Variants in MARCHF4 observed in about 807,000 individuals in gnomAD.
MARCHF4 encodes the protein membrane associated ring-CH-type finger 4.
In MARCHF4, 14 loss-of-function variants were observed where a neutral mutation model predicts 43.9. The observed-to-expected ratio is 0.32, with a 90% confidence interval of 0.21 to 0.50. The LOEUF is 0.50. MARCHF4 is among the 20% of genes least tolerant of loss of function. The probability of loss-of-function intolerance (pLI) is 0.98; values close to 1 mark genes in which losing one functional copy is unlikely to be tolerated. For synonymous variants in MARCHF4, 226 were observed against 213.3 expected (o/e 1.06, Z -0.52); for missense variants, 468 against 536.7 (o/e 0.87, Z 1.27).
chr2:216,277,669 C>T lies in MARCHF4; in HGVS notation c.865+3G>A, dbSNP rs1413279320. The T allele has an allele frequency of 4.4e-6, 7 of 1,600,504 alleles. No homozygotes were observed. Among genetic ancestry groups the T allele is most frequent in the Non-Finnish European group, 6.0e-6 (7 of 1,169,602 alleles). ...TCCCATGGAGACAAACCCCCAGACC[C>T]ACCTATGCACACCACGTCCATGAAG... On this transcript the variant is annotated splice_donor_region_variant and intron_variant, in intron 3 of 3. Transcript: ENST00000273067.
intron 1 of MARCHF4, among the ~76,000 whole-genome samples, chr2:216,338,847 A>T (rs536528394): frequency 1.3e-4 from 20 of 152,210 alleles, no homozygotes; most frequent in African/African-American, 4.3e-4. Context: ...AGGTCTTCAA[A>T]CGTATCATCT....
intron 1 of MARCHF4, among the ~76,000 whole-genome samples, chr2:216,303,980 T>A (rs1050428785): frequency 6.6e-6 from 1 of 152,090 alleles, no homozygotes; most frequent in African/African-American, 2.4e-5. Context: ...CAACAGCTAC[T>A]GGAAACCTCC....
Position 216,259,581 on chromosome 2 carries a change from C to A in MARCHF4, c.964G>T (p.Asp322Tyr). Reference sequence around the variant, plus strand: ...CCTCCTGCCTTTTGATCCTCCAGGTCTTTTGTCTTGTCATAGTTCAGCACT... The same window carrying A: ...CCTCCTGCCTTTTGATCCTCCAGGTATTTTGTCTTGTCATAGTTCAGCACT... ...WKVLNYDKTK[D>Y]LEDQKAGGRT... The change falls in exon 4 of 4, where the codon GAC becomes TAC. Residue 322 changes from aspartate (D) to tyrosine (Y), a missense_variant. Asp to Tyr is a radical substitution (Grantham distance 160). Around this residue, in one of 3 missense-constraint regions of MARCHF4, gnomAD observed 120 missense variants for 127.1 expected, o/e 0.94. Transcript: ENST00000273067. 1 of 1,614,170 alleles carries A rather than the reference C, an allele frequency of 6.2e-7. No individual in the cohort carries two copies. Among genetic ancestry groups the A allele is most frequent in the Non-Finnish European group, 8.5e-7 (1 of 1,180,040 alleles).
chr2:216,340,250 G>A (rs1692216507), intron 1 of MARCHF4, among the ~76,000 whole-genome samples: 1 of 152,188 alleles, frequency 6.6e-6, no homozygotes, highest in African/African-American at 2.4e-5. Context: ...GCCAGAATGA[G>A]GGACCTCGGA....
chr2:216,262,540 G>A (rs1166177953), intron 3 of MARCHF4, among the ~76,000 whole-genome samples: 2 of 152,242 alleles, frequency 1.3e-5, no homozygotes, highest in Non-Finnish European at 2.9e-5. Context: ...GAGGTTAGAG[G>A]ATTATTGGAG....
intron 1 of MARCHF4, among the ~76,000 whole-genome samples, chr2:216,354,860 C>T (rs1463953914): frequency 2.0e-5 from 3 of 151,966 alleles, no homozygotes; most frequent in Non-Finnish European, 4.4e-5. Context: ...CAGTTAATTC[C>T]TGCCTGTTCA....
At chr2:216,273,039 G>A (rs979491968) in intron 3 of MARCHF4, among the ~76,000 whole-genome samples, 5 of 152,192 alleles carry the variant, frequency 3.3e-5, no homozygotes, top group Admixed American at 6.5e-5. Flanking sequence ...CTGTGGATGG[G>A]GTTGAAGCAG....
At chr2:216,303,804 A>G (rs1407196389) in intron 1 of MARCHF4, 1 of 152,170 alleles carries the variant, frequency 6.6e-6, no homozygotes, top group Non-Finnish European at 1.5e-5. Flanking sequence ...TTTTATATTT[A>G]AAGATTTTAT....
At chr2:216,294,934 T>C (rs139928415) in intron 1 of MARCHF4, among the ~76,000 whole-genome samples, 1 of 152,332 alleles carries the variant, frequency 6.6e-6, no homozygotes, top group East Asian at 1.9e-4. Flanking sequence ...GTGAGGGATG[T>C]TGTGCAAGGT....
At chr2:216,354,911 CTTTCTTT>C (rs1692463932) in intron 1 of MARCHF4, among the ~76,000 whole-genome samples, 1 of 82,740 alleles carries the variant, frequency 1.2e-5, no homozygotes, top group Non-Finnish European at 2.4e-5. Context: ...TTCTTTCTTT[CTTTCTTT>C]CTTTCTTTCT....
At chr2:216,283,544 G>C (rs768587900) in intron 2 of MARCHF4, 30 bp downstream of exon 2, 30 of 1,562,690 alleles carry the variant, frequency 1.9e-5, no homozygotes, top group Middle Eastern at 1.7e-4. Context: ...CCCAGGCCCA[G>C]CAACCCCACC....
intron 1 of MARCHF4, among the ~76,000 whole-genome samples, chr2:216,348,264 T>C (rs973374112): frequency 3.3e-5 from 5 of 152,160 alleles, no homozygotes; most frequent in Non-Finnish European, 7.4e-5. Context: ...CTCAAACTCC[T>C]GACATCAGGT....
At chr2:216,292,935 C>T (rs1162895725) in intron 1 of MARCHF4, among the ~76,000 whole-genome samples, 1 of 152,130 alleles carries the variant, frequency 6.6e-6, no homozygotes, top group Admixed American at 6.5e-5. Context: ...TTCTTTCCAA[C>T]AAAGATTGTG....
chr2:216,261,928 A>G (rs1690748641), intron 3 of MARCHF4, among the ~76,000 whole-genome samples: 1 of 152,218 alleles, frequency 6.6e-6, no homozygotes, highest in African/African-American at 2.4e-5. Flanking sequence ...AGCCTAGGGA[A>G]GGATTCAGAA....
rs897500665 is a variant in MARCHF4 at position 216,370,191 on chromosome 2, A to G, written c.70T>C (p.Leu24=). 1.3e-5 allele frequency: 21 copies of G among 1,612,906 alleles called. No homozygotes were observed. Among genetic ancestry groups the G allele is most frequent in the Non-Finnish European group, 1.7e-5 (20 of 1,179,760 alleles). The change falls in exon 1 of 4, where the codon TTG becomes CTG. Residue 24 remains leucine (L), a synonymous_variant. Transcript: ENST00000273067. ...CCCSGWYCYG[L]CAPAPQMLRH... ...AACATCTGGGGGGCTGGGGCACACA[A>G]TCCATAGCAGTACCAGCCGGAGCAG... is the stretch of plus-strand genomic sequence containing the variant.
intron 1 of MARCHF4, among the ~76,000 whole-genome samples, chr2:216,302,893 G>A (rs1267282908): frequency 9.8e-6 from 1 of 101,674 alleles, no homozygotes; most frequent in Non-Finnish European, 1.7e-5. Flanking sequence ...GTGAGACTCT[G>A]TATCAAAAAA....
In MARCHF4 at chr2:216,369,725, GA is replaced by G. The variant is rs760192751; in HGVS notation, c.516+19del. ...CCTGAAAATACCACAGGAAGCAGGA[GA>G]AGAGAAAAGGGGACTCACCTGTTCT... On this transcript the variant is annotated intron_variant, in intron 1 of 3. Transcript: ENST00000273067. 20 of 1,536,924 alleles carry G rather than the reference GA, an allele frequency of 1.3e-5. No homozygotes were observed. In the African/African-American group the frequency reaches 2.8e-4, roughly 21 times the overall value.
At chr2:216,324,529 C>G (rs973915820) in intron 1 of MARCHF4, among the ~76,000 whole-genome samples, 19 of 151,904 alleles carry the variant, frequency 1.3e-4, no homozygotes, top group Non-Finnish European at 1.9e-4. Flanking sequence ...GAATTTTAGA[C>G]CAATATCCTT....
At chr2:216,295,130 C>T (rs1439249834) in intron 1 of MARCHF4, among the ~76,000 whole-genome samples, 1 of 152,204 alleles carries the variant, frequency 6.6e-6, no homozygotes, top group Non-Finnish European at 1.5e-5. Flanking sequence ...CAGACCGAGG[C>T]TGGCTGGGTT....
Sources: allele counts gnomAD v4.1 joint callset (sites outside exome capture counted in the v4.1 genomes callset), GRCh38; gene constraint gnomAD v4.1.1; regional missense constraint gnomAD v4.1.1; transcripts MANE v1.5; gene names NCBI Gene and HGNC (gene_info 2026-07-23, HGNC 2026-07-21).